The following SLC35F3 variants were observed in gnomAD, a reference collection of about 807,000 sequenced individuals.
The protein encoded by SLC35F3 is putative thiamine transporter SLC35F3.
A neutral mutation model predicts 49.9 loss-of-function variants in SLC35F3; 25 were observed. The ratio of observed to expected loss-of-function variants is 0.50; its 90% CI spans 0.37 to 0.70. SLC35F3 has a LOEUF of 0.70. SLC35F3 is among the 30% of genes least tolerant of loss of function. The pLI is 0.00. For missense variants in SLC35F3, 525 were observed against 639.8 expected (o/e 0.82, Z 1.94); for synonymous variants, 275 against 265.4 (o/e 1.04, Z -0.35).
Position 234,076,919 on chromosome 1 carries a change from G to T in SLC35F3, c.284-154498G>T, listed in dbSNP as rs150338226. On this transcript the variant is annotated intron_variant, in intron 2 of 7. Transcript: ENST00000366618. The stretch of plus-strand genomic sequence containing the variant: ...TACCAAAGCATCTTACTAATGGTGG[G>T]TGTATTAGTCCATTTTCACACTGCT... Among the ~76,000 whole-genome samples the T allele has an allele frequency of 1.4e-4, 22 of 152,200 alleles. No homozygotes were observed. The East Asian group carries it at 3.3e-3, about 23-fold the overall frequency.
At chr1:234,057,929 A>G (rs1572035478) in intron 2 of SLC35F3, among the ~76,000 whole-genome samples, 1 of 151,886 alleles carries the variant, frequency 6.6e-6, no homozygotes, top group Admixed American at 6.6e-5. Flanking sequence ...CTGGTCTCGA[A>G]CTCCTGACCT....
intron 1 of SLC35F3, 105 bp from the exon 2 acceptor site, chr1:233,905,424 G>T: frequency 1.1e-6 from 1 of 905,180 alleles, no homozygotes; most frequent in South Asian, 1.7e-5. Flanking sequence ...GGAGGGCCCC[G>T]GCCGCGCTCT....
At chr1:234,209,657 A>T (rs967225535) in intron 2 of SLC35F3, among the ~76,000 whole-genome samples, 6 of 152,160 alleles carry the variant, frequency 3.9e-5, no homozygotes, top group African/African-American at 1.4e-4. Flanking sequence ...GAGCAGACAG[A>T]GCACATAGGA....
chr1:234,080,161 A>T (rs942574323), intron 2 of SLC35F3, among the ~76,000 whole-genome samples: 10 of 152,156 alleles, frequency 6.6e-5, no homozygotes, highest in Admixed American at 6.5e-4. Context: ...TAATGATTTA[A>T]TCACCCCTGC....
In SLC35F3 at chr1:234,231,291, C is replaced by G; in HGVS notation, c.284-126C>G. The G allele has an allele frequency of 2.6e-6, 2 of 780,616 alleles. No homozygotes were observed. The highest frequency in any genetic ancestry group is 4.0e-6 in the Non-Finnish European group (2 of 506,232). 48.4% of individuals were successfully genotyped at this position (780,616 alleles called of 1,614,324 possible). ...GTCACACAGCCGCCCTGGAAGCCGCCCCTGCACCCGCTATCTCCCCGGGCC... is the reference window on the plus strand; with the variant it reads ...GTCACACAGCCGCCCTGGAAGCCGCGCCTGCACCCGCTATCTCCCCGGGCC... On this transcript the variant is annotated intron_variant, in intron 2 of 7. Coordinates refer to ENST00000366618, the MANE Select transcript of SLC35F3 (RefSeq NM_173508.4). The surrounding 1 kb of genome is among the most constrained non-coding windows in gnomAD (Gnocchi z 5.4).
At position 234,231,288 on chromosome 1, in the gene SLC35F3, C is replaced by T; in HGVS notation, c.284-129C>T. 1 of 746,940 alleles carries T rather than the reference C, an allele frequency of 1.3e-6. No homozygotes were observed. The highest frequency in any genetic ancestry group is 3.1e-5 in the Admixed American group (1 of 32,062). The allele number at this position is 746,940 out of a possible 1,614,324, so 46.3% of individuals were successfully genotyped here. On this transcript the variant is annotated intron_variant, in intron 2 of 7. Transcript: ENST00000366618. This position sits in a 1 kb window ranked among gnomAD's most constrained non-coding sequence, Gnocchi z 5.4. Reference sequence around the variant, plus strand: ...GCTGTCACACAGCCGCCCTGGAAGCCGCCCCTGCACCCGCTATCTCCCCGG... The same window carrying T: ...GCTGTCACACAGCCGCCCTGGAAGCTGCCCCTGCACCCGCTATCTCCCCGG...
intron 2 of SLC35F3, among the ~76,000 whole-genome samples, chr1:233,959,819 T>C (rs1045037949): frequency 6.6e-6 from 1 of 152,118 alleles, no homozygotes; most frequent in African/African-American, 2.4e-5. Context: ...TGAAACCACT[T>C]TGGAGTCTCA....
At chr1:233,924,371 G>C (rs1003708510) in intron 2 of SLC35F3, among the ~76,000 whole-genome samples, 6 of 152,068 alleles carry the variant, frequency 3.9e-5, no homozygotes, top group Admixed American at 3.9e-4. Flanking sequence ...GTTTAGTCTT[G>C]GGACGGTGTA....
At chr1:234,294,347 T>C (rs952806445) in intron 3 of SLC35F3, among the ~76,000 whole-genome samples, 3 of 152,102 alleles carry the variant, frequency 2.0e-5, no homozygotes, top group Non-Finnish European at 2.9e-5. Flanking sequence ...GCAGAGTAGG[T>C]GGGCAGCGAC....
chr1:234,272,497 G>T (rs992245701), intron 3 of SLC35F3: 5 of 152,190 alleles, frequency 3.3e-5, no homozygotes, highest in African/African-American at 1.2e-4. Flanking sequence ...CTGGGATTGT[G>T]GGGTGAGGGT....
intron 2 of SLC35F3, among the ~76,000 whole-genome samples, chr1:233,995,578 G>C (rs1319778261): frequency 6.6e-6 from 1 of 152,194 alleles, no homozygotes; most frequent in Non-Finnish European, 1.5e-5. Flanking sequence ...CAGCCAGGCA[G>C]TCAGCATCCC....
intron 2 of SLC35F3, among the ~76,000 whole-genome samples, chr1:234,104,108 T>C (rs1365963570): frequency 6.6e-6 from 1 of 152,196 alleles, no homozygotes; most frequent in African/African-American, 2.4e-5. Flanking sequence ...CTATTCCCCA[T>C]AATTGGCACC....
intron 3 of SLC35F3, among the ~76,000 whole-genome samples, chr1:234,261,361 G>A (rs1444791691): frequency 6.6e-6 from 1 of 152,166 alleles, no homozygotes; most frequent in Non-Finnish European, 1.5e-5. Flanking sequence ...GAAAGGGGCA[G>A]GGAATTCCTG....
chr1:234,316,502 G>A (rs545189096), intron 4 of SLC35F3, 100 bp from the exon 5 acceptor site: 90 of 1,436,244 alleles, frequency 6.3e-5, no homozygotes, highest in Non-Finnish European at 7.9e-5. Flanking sequence ...TTCCCCTCAC[G>A]TGGCTGAACC....
chr1:234,308,620 A>C (rs1572146052), intron 3 of SLC35F3, among the ~76,000 whole-genome samples: 4 of 125,944 alleles, frequency 3.2e-5, no homozygotes, highest in Non-Finnish European at 4.9e-5. Context: ...CTTCTCCCAC[A>C]ACCCCCACCC....
intron 2 of SLC35F3, among the ~76,000 whole-genome samples, chr1:234,048,200 G>A (rs1418881179): frequency 6.6e-6 from 1 of 152,146 alleles, no homozygotes; most frequent in Non-Finnish European, 1.5e-5. Context: ...TAAAATGTGA[G>A]AGAAGAAAGA....
At chr1:234,133,039 A>G (rs1665758053) in intron 2 of SLC35F3, among the ~76,000 whole-genome samples, 1 of 152,234 alleles carries the variant, frequency 6.6e-6, no homozygotes. Context: ...GCGGTTGAGT[A>G]ACTTGTCTAG....
intron 2 of SLC35F3, among the ~76,000 whole-genome samples, chr1:234,006,964 T>A (rs6662498): frequency 6.6e-6 from 1 of 152,100 alleles, no homozygotes; most frequent in Non-Finnish European, 1.5e-5. Context: ...TAAAGGAACA[T>A]AGAGAAAATC....
chr1:234,223,387 C>G (rs546722408), intron 2 of SLC35F3, among the ~76,000 whole-genome samples: 105 of 152,254 alleles, frequency 6.9e-4, no homozygotes, highest in African/African-American at 2.2e-3. Flanking sequence ...CCACCCCATT[C>G]CAGCCCCAAA....
Sources: allele counts gnomAD v4.1 joint callset (sites outside exome capture counted in the v4.1 genomes callset), GRCh38; gene constraint gnomAD v4.1.1; non-coding constraint Gnocchi (gnomAD v3.1); transcripts MANE v1.5; gene names NCBI Gene and HGNC (gene_info 2026-07-23, HGNC 2026-07-21).